The following CAMK1D variants were observed in gnomAD, a reference collection of about 807,000 sequenced individuals.
CAMK1D encodes the protein calcium/calmodulin-dependent protein kinase type 1D.
A neutral mutation model predicts 47.7 loss-of-function variants in CAMK1D; 9 were observed. The ratio of observed to expected loss-of-function variants is 0.19; its 90% CI spans 0.11 to 0.33. The LOEUF is 0.33. Ranked by LOEUF, CAMK1D falls within the 10% of genes least tolerant of loss-of-function variation. CAMK1D has a pLI of 1.00. For missense variants in CAMK1D, 291 were observed against 488.7 expected (o/e 0.60, Z 3.81); for synonymous variants, 184 against 184.9 (o/e 0.99, Z 0.04).
At position 12,743,581 on chromosome 10, in the gene CAMK1D, T is replaced by G. The variant is rs75732538; in HGVS notation, c.300-17367T>G. Among the ~76,000 whole-genome samples the G allele has an allele frequency of 7.9e-3, 1,210 of 152,278 alleles. 14 individuals are homozygous for G. Among genetic ancestry groups the G allele is most frequent in the Middle Eastern group, 0.027 (8 of 294 alleles). On this transcript the variant is annotated intron_variant, in intron 3 of 10. Transcript: ENST00000619168. Reference sequence around the variant, plus strand: ...AACTCAGTACAGTACTTTAATATGTTCACAGAGTTGGATCACCATCACCAC... The same window carrying G: ...AACTCAGTACAGTACTTTAATATGTGCACAGAGTTGGATCACCATCACCAC...
At chr10:12,677,791 A>G (rs988770607) in intron 3 of CAMK1D, among the ~76,000 whole-genome samples, 1 of 151,972 alleles carries the variant, frequency 6.6e-6, no homozygotes, top group African/African-American at 2.4e-5. Context: ...TCTGTGAGGG[A>G]TTTAATCCAT....
intron 1 of CAMK1D, among the ~76,000 whole-genome samples, chr10:12,491,289 T>C (rs1998966): frequency 0.19 from 28,600 of 152,100 alleles, 3,318 homozygotes; most frequent in Non-Finnish European, 0.27. Flanking sequence ...TTGAGTTCAT[T>C]GGGCTGGATG....
chr10:12,799,901 C>G (rs1405097171), intron 6 of CAMK1D, among the ~76,000 whole-genome samples: 1 of 152,156 alleles, frequency 6.6e-6, no homozygotes, highest in African/African-American at 2.4e-5. Flanking sequence ...CAATTTCAGT[C>G]GTGCATCAAC....
At chr10:12,637,979 C>T (rs1311146297) in intron 2 of CAMK1D, among the ~76,000 whole-genome samples, 2 of 152,210 alleles carry the variant, frequency 1.3e-5, no homozygotes, top group Non-Finnish European at 2.9e-5. Flanking sequence ...CCGGTAGCCT[C>T]ATCCTATCCC....
chr10:12,440,136 A>G (rs980758855), intron 1 of CAMK1D, among the ~76,000 whole-genome samples: 2 of 152,214 alleles, frequency 1.3e-5, no homozygotes, highest in Non-Finnish European at 2.9e-5. Flanking sequence ...TTCTAGCAGC[A>G]GATTGTCTAA....
intron 1 of CAMK1D, among the ~76,000 whole-genome samples, chr10:12,484,183 G>A (rs546280339): frequency 1.3e-5 from 2 of 152,290 alleles, no homozygotes; most frequent in African/African-American, 4.8e-5. Context: ...ATATGCACCA[G>A]CTGGGCTCTG....
At chr10:12,354,430 T>C (rs1445763302) in intron 1 of CAMK1D, among the ~76,000 whole-genome samples, 5 of 151,376 alleles carry the variant, frequency 3.3e-5, no homozygotes, top group Admixed American at 6.6e-5. Context: ...TCTTTTCTTT[T>C]CTTTTTTTTT....
At chr10:12,454,138 G>T (rs1402361808) in intron 1 of CAMK1D, among the ~76,000 whole-genome samples, 1 of 152,136 alleles carries the variant, frequency 6.6e-6, no homozygotes, top group Non-Finnish European at 1.5e-5. Context: ...ACAGCAGGTT[G>T]TCATTCTGTT....
intron 1 of CAMK1D, among the ~76,000 whole-genome samples, chr10:12,407,747 G>A (rs1839490356): frequency 6.6e-6 from 1 of 151,958 alleles, no homozygotes; most frequent in Non-Finnish European, 1.5e-5. Context: ...ATTTGCTTGA[G>A]CATTTTACAA....
At chr10:12,633,351 A>G (rs950048769) in intron 2 of CAMK1D, among the ~76,000 whole-genome samples, 1 of 152,288 alleles carries the variant, frequency 6.6e-6, no homozygotes, top group Admixed American at 6.5e-5. Context: ...TGGTGAGGCA[A>G]CAGTGCTCCT....
At chr10:12,571,738 C>T (rs772988012) in intron 2 of CAMK1D, among the ~76,000 whole-genome samples, 2 of 152,024 alleles carry the variant, frequency 1.3e-5, no homozygotes, top group Non-Finnish European at 2.9e-5. Context: ...ACTTAAAGCT[C>T]CGTGAAGGTA....
At chr10:12,438,787 C>T (rs2801492) in intron 1 of CAMK1D, among the ~76,000 whole-genome samples, 136,848 of 152,232 alleles carry the variant, frequency 0.9, 63,375 homozygotes, top group East Asian at 1. Flanking sequence ...GAAACCTTTG[C>T]TTTTCTTCCC....
At chr10:12,658,639 G>C (rs1840185792) in intron 2 of CAMK1D, among the ~76,000 whole-genome samples, 5 of 152,106 alleles carry the variant, frequency 3.3e-5, no homozygotes, top group Admixed American at 3.3e-4. Context: ...CAAATGGCTG[G>C]ACATCAAGAG....
intron 1 of CAMK1D, among the ~76,000 whole-genome samples, chr10:12,522,819 GC>G (rs1835469627): frequency 1.0e-5 from 1 of 96,998 alleles, no homozygotes; most frequent in Non-Finnish European, 2.3e-5. Context: ...GGCTGGCCGG[GC>G]GGAGGCGCCC....
At chr10:12,422,042 C>G (rs746958654) in intron 1 of CAMK1D, among the ~76,000 whole-genome samples, 33 of 152,184 alleles carry the variant, frequency 2.2e-4, no homozygotes, top group Non-Finnish European at 4.4e-4. Flanking sequence ...CTCCCGATCT[C>G]AGGTGATCCG....
At chr10:12,677,261 T>G (rs1009038341) in intron 3 of CAMK1D, among the ~76,000 whole-genome samples, 2 of 152,166 alleles carry the variant, frequency 1.3e-5, no homozygotes, top group African/African-American at 2.4e-5. Context: ...TGACTCCCAA[T>G]AGAAAGCCTT....
At chr10:12,542,274 G>A (rs548291225) in intron 1 of CAMK1D, among the ~76,000 whole-genome samples, 5 of 152,276 alleles carry the variant, frequency 3.3e-5, no homozygotes, top group East Asian at 1.9e-4. Flanking sequence ...ATTTATGGTC[G>A]GAGGCTGGGG....
At chr10:12,615,763 GGT>G (rs748444202) in intron 2 of CAMK1D, among the ~76,000 whole-genome samples, 2 of 150,778 alleles carry the variant, frequency 1.3e-5, no homozygotes, top group African/African-American at 2.4e-5. Context: ...TGTGTGCGTA[GGT>G]GTGTGTAAGT....
chr10:12,518,295 G>A (rs1835270767), intron 1 of CAMK1D, among the ~76,000 whole-genome samples: 1 of 152,204 alleles, frequency 6.6e-6, no homozygotes, highest in South Asian at 2.1e-4. Context: ...GAGTGGAATA[G>A]TTATGACAGA....
Sources: gnomAD v4.1 joint callset for allele counts (sites outside exome capture counted in the v4.1 genomes callset) on GRCh38, gnomAD v4.1.1 for gene constraint, MANE v1.5 for transcripts, NCBI Gene and HGNC (gene_info 2026-07-23, HGNC 2026-07-21) for gene names.